The following XPO6 variants were observed in gnomAD, a reference collection of about 807,000 sequenced individuals.
XPO6 encodes the protein exportin 6, also known as exportin-6.
In XPO6, 3 loss-of-function variants were observed where a neutral mutation model predicts 130.0. The ratio of observed to expected loss-of-function variants is 0.02; its 90% confidence interval spans 0.01 to 0.06. The LOEUF (loss-of-function observed/expected upper bound fraction) is 0.06. Ranked by LOEUF, XPO6 falls within the 10% of genes least tolerant of loss-of-function variation. XPO6 has a pLI of 1.00. For missense variants in XPO6, 970 were observed against 1,393.0 expected (o/e 0.70, Z 4.83); for synonymous variants, 524 against 548.9 (o/e 0.95, Z 0.63).
chr16:28,104,683 C>T lies in XPO6; in HGVS notation c.2809G>A (p.Glu937Lys), dbSNP rs184308764. 337 of 1,614,078 alleles carry T rather than the reference C, an allele frequency of 2.1e-4. No homozygotes were observed. In the African/African-American group the frequency reaches 4.1e-3, roughly 20 times the overall value. Residue 937 changes from glutamate (E) to lysine (K), a missense_variant, in exon 21 of 24, where the codon GAG (glutamate) becomes AAG (lysine). Coordinates refer to ENST00000304658, the MANE Select transcript of XPO6 (RefSeq NM_015171.4). ...GTCCGGAAAAGGAGCTCAAACAGCT[C>T]GGCCTTCACATCAGGGGAGGGACGC... ...AERPSPDVKAELFELLFRTLH... is the reference protein window; with the variant it reads ...AERPSPDVKAKLFELLFRTLH...
At chr16:28,200,071 G>A (rs957600902) in intron 1 of XPO6, among the ~76,000 whole-genome samples, 4 of 151,710 alleles carry the variant, frequency 2.6e-5, no homozygotes, top group Non-Finnish European at 4.4e-5. Context: ...CAGGAGAATC[G>A]CTTGAATCCA....
chr16:28,166,021 C>T (rs74014230), intron 6 of XPO6, among the ~76,000 whole-genome samples: 8,252 of 151,950 alleles, frequency 0.054, 573 homozygotes, highest in East Asian at 0.17. Flanking sequence ...TGACTCTTAA[C>T]CAATGTTGAT....
chr16:28,204,728 A>G (rs938935315), intron 1 of XPO6, among the ~76,000 whole-genome samples: 1 of 152,172 alleles, frequency 6.6e-6, no homozygotes, highest in African/African-American at 2.4e-5. Context: ...GACAGGAGGA[A>G]AACCAAGAAC....
At chr16:28,185,406 TG>T (rs2043678341) in intron 1 of XPO6, among the ~76,000 whole-genome samples, 1 of 152,162 alleles carries the variant, frequency 6.6e-6, no homozygotes, top group South Asian at 2.1e-4. Flanking sequence ...AACTTATCTA[TG>T]GTGTTATAAT....
intron 6 of XPO6, among the ~76,000 whole-genome samples, chr16:28,166,000 G>T (rs541535587): frequency 6.6e-6 from 1 of 152,064 alleles, no homozygotes; most frequent in African/African-American, 2.4e-5. Context: ...AATATGCCCC[G>T]CTTTACCAAA....
intron 9 of XPO6, among the ~76,000 whole-genome samples, chr16:28,140,231 C>CA (rs61153494): frequency 0.064 from 3,783 of 58,690 alleles, 90 homozygotes; most frequent in Middle Eastern, 0.1. Flanking sequence ...GACCCCATCT[C>CA]AAAAAAAAAA....
Position 28,152,846 on chromosome 16 carries a change from T to C in XPO6, c.1098-61A>G, listed in dbSNP as rs2043119156. On this transcript the variant is annotated intron_variant, in intron 7 of 23. Coordinates refer to ENST00000304658, the MANE Select transcript of XPO6 (RefSeq NM_015171.4). ...CCCAGCCACCTCCTTAGAACTTAAA[T>C]TCAATCCAAAGTTCTTTCAGTACAG... 5.1e-6 allele frequency: 8 copies of C among 1,577,370 alleles called. No individual in the cohort carries two copies. In the South Asian group the frequency reaches 9.6e-5, roughly 19 times the overall value.
chr16:28,203,237 C>A (rs934581598), intron 1 of XPO6, among the ~76,000 whole-genome samples: 2 of 150,240 alleles, frequency 1.3e-5, no homozygotes, highest in African/African-American at 4.9e-5. Flanking sequence ...GATTGCTCCA[C>A]TGCACACCAG....
In XPO6 at chr16:28,121,684, A is replaced by T. The variant is rs758893772; in HGVS notation, c.1845T>A (p.Pro615=). The T allele has an allele frequency of 6.2e-7, 1 of 1,612,644 alleles. No individual in the cohort carries two copies. Among genetic ancestry groups the T allele is most frequent in the Non-Finnish European group, 8.5e-7 (1 of 1,178,636 alleles). ...IETAVPSVLK[P]DLIDVHAQSL... is the part of the protein sequence containing the mutation. ...TCTAGACTTACACATCAATGAGGTC[A>T]GGTTTCAATACTGATGGCACAGCAG... is the stretch of plus-strand genomic sequence containing the variant. Residue 615 remains proline, a synonymous_variant, in exon 14 of 24, where the codon CCT becomes CCA. Transcript: ENST00000304658.
chr16:28,203,286 A>T (rs2043979827), intron 1 of XPO6, among the ~76,000 whole-genome samples: 1 of 152,042 alleles, frequency 6.6e-6, no homozygotes, highest in Non-Finnish European at 1.5e-5. Context: ...AAAAAAAAAA[A>T]AAAAAAGTCA....
intron 7 of XPO6, chr16:28,153,673 G>T (rs1292133879): frequency 2.0e-6 from 2 of 985,294 alleles, no homozygotes; most frequent in Non-Finnish European, 2.4e-6. Context: ...AAGGTGATTA[G>T]AAAATGAGAT....
intron 1 of XPO6, among the ~76,000 whole-genome samples, chr16:28,193,265 G>A (rs1440303797): frequency 1.3e-5 from 2 of 152,140 alleles, no homozygotes; most frequent in African/African-American, 4.8e-5. Flanking sequence ...TGTTGCCGGG[G>A]TGGCAGCTGC....
At chr16:28,120,530 G>A (rs1162551675) in intron 14 of XPO6, among the ~76,000 whole-genome samples, 1 of 152,102 alleles carries the variant, frequency 6.6e-6, no homozygotes, top group African/African-American at 2.4e-5. Flanking sequence ...TTAGGAGTAA[G>A]AATTTCAGTC....
At chr16:28,167,271 G>A (rs1187854396) in intron 5 of XPO6, 14 of 985,270 alleles carry the variant, frequency 1.4e-5, no homozygotes, top group East Asian at 2.3e-4. Flanking sequence ...ACAATGCTAC[G>A]TGCATATCCC....
chr16:28,113,036 C>T lies in XPO6; in HGVS notation c.2019G>A (p.Leu673=), dbSNP rs892865221. ...CCAGTAAGTGGCACGCAGATAGCAGCAGCTTGTCTTGGACCTGCAGAGGGA... is the reference window on the plus strand; with the variant it reads ...CCAGTAAGTGGCACGCAGATAGCAGTAGCTTGTCTTGGACCTGCAGAGGGA... ...PLISTKVQDK[L]LLSACHLLVS... is the part of the protein sequence containing the mutation. The change falls in exon 16 of 24, where the codon CTG becomes CTA. Residue 673 remains leucine, a synonymous_variant. Coordinates refer to ENST00000304658, the MANE Select transcript of XPO6 (RefSeq NM_015171.4). 6.2e-7 allele frequency: 1 copy of T among 1,613,854 alleles called. No individual in the cohort carries two copies. Among genetic ancestry groups the T allele is most frequent in the African/African-American group, 1.3e-5 (1 of 74,920 alleles).
intron 1 of XPO6, among the ~76,000 whole-genome samples, chr16:28,189,416 G>A (rs960450362): frequency 2.6e-5 from 4 of 152,202 alleles, no homozygotes; most frequent in Admixed American, 2.6e-4. Flanking sequence ...CTCGCTCAAA[G>A]ACACACAGCC....
chr16:28,175,386 A>C (rs529074485), intron 4 of XPO6, among the ~76,000 whole-genome samples: 1 of 152,220 alleles, frequency 6.6e-6, no homozygotes, highest in African/African-American at 2.4e-5. Context: ...TACGAATTGC[A>C]CAATGGAACC....
At chr16:28,100,108 C>A (rs2086624490) in intron 23 of XPO6, among the ~76,000 whole-genome samples, 1 of 152,158 alleles carries the variant, frequency 6.6e-6, no homozygotes, top group Non-Finnish European at 1.5e-5. Flanking sequence ...GTGCCTCAGC[C>A]TCCCAAGCAG....
chr16:28,124,417 A>C (rs2087338678), intron 13 of XPO6, among the ~76,000 whole-genome samples: 1 of 152,208 alleles, frequency 6.6e-6, no homozygotes, highest in Non-Finnish European at 1.5e-5. Flanking sequence ...TAATGGACTT[A>C]TCTTTGGATT....
Sources: gnomAD v4.1 joint callset for allele counts (sites outside exome capture counted in the v4.1 genomes callset) on GRCh38, gnomAD v4.1.1 for gene constraint, MANE v1.5 for transcripts, NCBI Gene and HGNC (gene_info 2026-07-23, HGNC 2026-07-21) for gene names.